MXI1: variants seen among roughly 807,000 people sequenced by gnomAD.
MXI1 encodes MAX interactor 1, dimerization protein, also known as max-interacting protein 1.
Under a neutral mutation model 36.9 loss-of-function variants are expected in MXI1, and 18 were observed. That is an observed-to-expected ratio of 0.49 (90% CI 0.34 to 0.72). The LOEUF (loss-of-function observed/expected upper bound fraction) is 0.72, where lower values mean the gene tolerates loss of function less well. MXI1 is among the 30% of genes least tolerant of loss of function. The pLI is 0.01. For synonymous variants in MXI1, 160 were observed against 146.7 expected, an observed-to-expected ratio of 1.09 and a Z score of -0.65; for missense variants, 304 against 379.1, an observed-to-expected ratio of 0.80 and a Z score of 1.64.
intron 3 of MXI1, among the ~76,000 whole-genome samples, chr10:110,264,778 G>C (rs1164336161): frequency 1.3e-5 from 2 of 152,028 alleles, no homozygotes; most frequent in Admixed American, 1.3e-4. Context: ...TATTTTTCTA[G>C]ATTTTAACTG....
chr10:110,244,218 G>A (rs1286692276), intron 2 of MXI1, among the ~76,000 whole-genome samples: 2 of 151,880 alleles, frequency 1.3e-5, no homozygotes, highest in East Asian at 3.9e-4. Flanking sequence ...CTAACATTTC[G>A]AGTTATCCAG....
chr10:110,253,330 GC>G (rs1856168640), intron 3 of MXI1, among the ~76,000 whole-genome samples: 2 of 152,008 alleles, frequency 1.3e-5, no homozygotes, highest in South Asian at 4.2e-4. Context: ...GTTTTGGTCT[GC>G]CTTATCTTAG....
At chr10:110,276,907 G>A (rs1428662500) in intron 3 of MXI1, among the ~76,000 whole-genome samples, 7 of 149,486 alleles carry the variant, frequency 4.7e-5, no homozygotes, top group African/African-American at 9.9e-5. Flanking sequence ...ATGCAGTGGC[G>A]CCATCTTGGC....
intron 3 of MXI1, among the ~76,000 whole-genome samples, chr10:110,269,739 C>T (rs1856798555): frequency 6.6e-6 from 1 of 152,172 alleles, no homozygotes; most frequent in Non-Finnish European, 1.5e-5. Flanking sequence ...CCCATGGTGG[C>T]TGGCAGGGTA....
chr10:110,223,883 T>C (rs1388300046), intron 1 of MXI1, among the ~76,000 whole-genome samples: 1 of 152,030 alleles, frequency 6.6e-6, no homozygotes, highest in East Asian at 1.9e-4. Context: ...TCTGCTTGCA[T>C]TTGATGGAAC....
At chr10:110,279,887 A>G in intron 4 of MXI1, 27 bp from the exon 5 acceptor site, 1 of 1,580,676 alleles carries the variant, frequency 6.3e-7, no homozygotes, top group Non-Finnish European at 8.6e-7. Context: ...ACTATACACA[A>G]ATGTAAAAAT....
chr10:110,279,774 G>T, intron 4 of MXI1, 140 bp from the exon 5 acceptor site: 3 of 517,266 alleles, frequency 5.8e-6, no homozygotes, highest in Non-Finnish European at 9.4e-6. Context: ...TCTCATTTTG[G>T]AGGCTTTAAA....
In MXI1 at chr10:110,207,865, C is replaced by G; in HGVS notation, c.57C>G (p.Ala19=). The change falls in exon 1 of 6, where the codon GCC becomes GCG. Residue 19 remains alanine (A), a synonymous_variant. Transcript: ENST00000332674. ...KEARCEGAGL[A]PAAPPAVPPA... is the part of the protein sequence containing the mutation. Reference sequence around the variant, plus strand: ...CGCGCTGCGAGGGCGCGGGGCTGGCCCCCGCCGCGCCCCCGGCTGTGCCCC... The same window carrying G: ...CGCGCTGCGAGGGCGCGGGGCTGGCGCCCGCCGCGCCCCCGGCTGTGCCCC... 5 of 1,201,698 alleles carry G rather than the reference C, an allele frequency of 4.2e-6. No homozygotes were observed. Among genetic ancestry groups the G allele is most frequent in the Non-Finnish European group, 4.1e-6 (4 of 967,708 alleles). The allele number at this position is 1,201,698 out of a possible 1,614,324, so 74.4% of individuals were successfully genotyped here.
At chr10:110,255,948 T>C (rs571456800) in intron 3 of MXI1, among the ~76,000 whole-genome samples, 5 of 152,322 alleles carry the variant, frequency 3.3e-5, no homozygotes, top group East Asian at 3.9e-4. Flanking sequence ...CAAGGCAGTA[T>C]GGAACTGACC....
chr10:110,240,389 T>G (rs1855628431), intron 2 of MXI1, among the ~76,000 whole-genome samples: 2 of 152,094 alleles, frequency 1.3e-5, no homozygotes. Context: ...GTTTAGATAC[T>G]TGATGTTCGT....
At chr10:110,220,040 G>A (rs757627886) in intron 1 of MXI1, among the ~76,000 whole-genome samples, 1 of 152,220 alleles carries the variant, frequency 6.6e-6, no homozygotes, top group African/African-American at 2.4e-5. Flanking sequence ...CTCCTAGTGT[G>A]ATGGGATTGC....
chr10:110,219,666 C>T (rs7083406), intron 1 of MXI1, among the ~76,000 whole-genome samples: 38,066 of 152,226 alleles, frequency 0.25, 6,102 homozygotes, highest in African/African-American at 0.46. Flanking sequence ...ATCCTGTATC[C>T]TGCTCATCAC....
chr10:110,224,097 T>A (rs1448619554), intron 1 of MXI1, among the ~76,000 whole-genome samples: 2 of 152,116 alleles, frequency 1.3e-5, no homozygotes. Context: ...GCCGATAACA[T>A]TTTTAAGAGG....
At chr10:110,244,380 C>T (rs1256298424) in intron 2 of MXI1, among the ~76,000 whole-genome samples, 2 of 151,932 alleles carry the variant, frequency 1.3e-5, no homozygotes, top group Non-Finnish European at 2.9e-5. Context: ...AAGCCTTTTT[C>T]AGCTTCTATG....
At chr10:110,238,664 C>A (rs1454249310) in intron 2 of MXI1, among the ~76,000 whole-genome samples, 2 of 151,940 alleles carry the variant, frequency 1.3e-5, no homozygotes, top group South Asian at 2.1e-4. Context: ...GTAAAATTTG[C>A]CAATGAAGAA....
chr10:110,249,820 T>C (rs1216287698), intron 3 of MXI1, among the ~76,000 whole-genome samples: 1 of 152,214 alleles, frequency 6.6e-6, no homozygotes, highest in African/African-American at 2.4e-5. Flanking sequence ...CTCTGAGTTA[T>C]GATAAAAAAC....
intron 3 of MXI1, 48 bp from the exon 4 acceptor site, chr10:110,279,132 C>G (rs1224371587): frequency 7.4e-7 from 1 of 1,354,996 alleles, no homozygotes; most frequent in Non-Finnish European, 1.1e-6. Context: ...TATGATATTT[C>G]TAGTGAAATA....
Position 110,285,079 on chromosome 10 carries a change from C to T in MXI1, c.*92C>T. ...TAAATTGGGTTCATGATGCAGTCTC[C>T]TCTTTAAAACAAAACAAAACAAAAC... On this transcript the variant is annotated 3_prime_UTR_variant, in exon 6 of 6. Transcript: ENST00000332674. 1.6e-6 allele frequency: 2 copies of T among 1,250,352 alleles called. No homozygotes were observed. The highest frequency in any genetic ancestry group is 2.2e-6 in the Non-Finnish European group (2 of 928,532). 77.5% of individuals were successfully genotyped at this position (1,250,352 alleles called of 1,614,324 possible). A position where few individuals can be genotyped will look rare whatever the true frequency, so the allele number is the denominator to read the frequency against.
At chr10:110,259,413 T>G (rs576094568) in intron 3 of MXI1, among the ~76,000 whole-genome samples, 37 of 152,208 alleles carry the variant, frequency 2.4e-4, no homozygotes, top group African/African-American at 8.2e-4. Flanking sequence ...TACTAGACTT[T>G]AAGGCAATAT....
Sources: gnomAD v4.1 joint callset for allele counts (sites outside exome capture counted in the v4.1 genomes callset) on GRCh38, gnomAD v4.1.1 for gene constraint, MANE v1.5 for transcripts, NCBI Gene and HGNC (gene_info 2026-07-23, HGNC 2026-07-21) for gene names.